PIEZO2: variants seen among roughly 807,000 people sequenced by gnomAD.
PIEZO2 encodes piezo type mechanosensitive ion channel component 2.
PIEZO2 carries 172 observed loss-of-function variants against 337.3 expected under a neutral mutation model. The observed-to-expected ratio is 0.51, with a 90% CI of 0.45 to 0.58. The LOEUF (loss-of-function observed/expected upper bound fraction) is 0.58. Ranked by LOEUF, PIEZO2 falls within the 20% of genes least tolerant of loss-of-function variation. The pLI is 0.00. For missense variants in PIEZO2, 3,028 were observed against 3,391.3 expected, an observed-to-expected ratio of 0.89 and a Z score of 2.66; for synonymous variants, 1,251 against 1,228.5, an observed-to-expected ratio of 1.02 and a Z score of -0.38.
At chr18:10,706,229 G>C (rs1049761182) in intron 40 of PIEZO2, among the ~76,000 whole-genome samples, 1 of 152,142 alleles carries the variant, frequency 6.6e-6, no homozygotes, top group Admixed American at 6.5e-5. Context: ...CATAAGGGGG[G>C]AATGGGAATG....
intron 3 of PIEZO2, among the ~76,000 whole-genome samples, chr18:10,937,443 A>G (rs1181201658): frequency 6.6e-6 from 1 of 152,114 alleles, no homozygotes; most frequent in Non-Finnish European, 1.5e-5. Flanking sequence ...GATGAGGTCC[A>G]TGTTCATCCT....
At chr18:10,744,950 T>C (rs1026513898) in intron 30 of PIEZO2, among the ~76,000 whole-genome samples, 2 of 152,240 alleles carry the variant, frequency 1.3e-5, no homozygotes, top group East Asian at 1.9e-4. Context: ...GGGCAGATGG[T>C]TCTCTGCAGA....
chr18:10,701,430 G>A (rs1406412534), intron 43 of PIEZO2, among the ~76,000 whole-genome samples: 1 of 152,184 alleles, frequency 6.6e-6, no homozygotes, highest in African/African-American at 2.4e-5. Context: ...TCCACAATAA[G>A]CAGGAGAAAG....
rs1407086458 is a variant in PIEZO2, at chr18:10,833,946, G to A, written c.917+21407C>T. On this transcript the variant is annotated intron_variant, in intron 7 of 55. Coordinates refer to ENST00000674853, the MANE Select transcript of PIEZO2 (RefSeq NM_001378183.1). The surrounding 1 kb of genome is among the most constrained non-coding windows in gnomAD (Gnocchi z 4.7). ...GACCTCAAAACTTTTCCATGCAGTA[G>A]AAGAGCAGAATAGGAGAGTGATTTA... 2.6e-5 allele frequency among the ~76,000 whole-genome samples: 4 copies of A among 152,214 alleles called. No individual in the cohort carries two copies. The highest frequency in any genetic ancestry group is 5.9e-5 in the Non-Finnish European group (4 of 68,040).
At chr18:10,801,498 A>C (rs1421793197) in intron 9 of PIEZO2, 70 bp from the exon 10 acceptor site, 1 of 1,371,078 alleles carries the variant, frequency 7.3e-7, no homozygotes, top group African/African-American at 1.4e-5. Context: ...ATGTATCTAT[A>C]AAGTTTTACT....
rs1409681723 is a variant in PIEZO2 at position 10,677,139 on chromosome 18, G to A, written c.8081+608C>T. On this transcript the variant is annotated intron_variant, in intron 53 of 55. Coordinates refer to ENST00000674853, the MANE Select transcript of PIEZO2 (RefSeq NM_001378183.1). This position sits in a 1 kb window ranked among gnomAD's most constrained non-coding sequence, Gnocchi z 4.1. ...AATGTCTGTCTCAATGGAAGCCCCA[G>A]CGGGCCAGCACTTTCCATGCACTGA... 6.6e-6 allele frequency among the ~76,000 whole-genome samples: 1 copy of A among 152,212 alleles called. No homozygotes were observed. The highest frequency in any genetic ancestry group is 1.5e-5 in the Non-Finnish European group (1 of 68,028).
Position 10,814,795 on chromosome 18 carries a change from C to T in PIEZO2, c.918-7521G>A, listed in dbSNP as rs2040312069. On this transcript the variant is annotated intron_variant, in intron 7 of 55. Transcript: ENST00000674853. Reference sequence around the variant, plus strand: ...CACCAGGAGCTAAGTGGATCAGTGGCCATGATGACTGGCCAATGAGACACA... The same window carrying T: ...CACCAGGAGCTAAGTGGATCAGTGGTCATGATGACTGGCCAATGAGACACA... Among the ~76,000 whole-genome samples, 4 of 152,142 alleles carry T rather than the reference C, an allele frequency of 2.6e-5. No homozygotes were observed. In the South Asian group the frequency reaches 8.3e-4, roughly 32 times the overall value.
At chr18:10,808,272 T>C (rs1269629946) in intron 7 of PIEZO2, among the ~76,000 whole-genome samples, 1 of 152,084 alleles carries the variant, frequency 6.6e-6, no homozygotes, top group African/African-American at 2.4e-5. Flanking sequence ...TTTAATTACT[T>C]GTAGAGACAA....
chr18:10,949,672 C>A (rs925126929), intron 3 of PIEZO2, among the ~76,000 whole-genome samples: 5 of 152,242 alleles, frequency 3.3e-5, no homozygotes, highest in Non-Finnish European at 7.3e-5. Context: ...TGCATTCATA[C>A]AAGGCCAGCT....
At chr18:11,135,038 CAA>C (rs5823137) in intron 1 of PIEZO2, among the ~76,000 whole-genome samples, 122 of 137,832 alleles carry the variant, frequency 8.9e-4, no homozygotes, top group East Asian at 1.3e-3. Context: ...ATTAAGTAAG[CAA>C]AAAAAAAAAA....
In PIEZO2 at chr18:10,789,326, T is replaced by C. The variant is rs1199920492; in HGVS notation, c.1922A>G (p.Lys641Arg). 1.3e-6 allele frequency: 2 copies of C among 1,537,244 alleles called. No homozygotes were observed. The highest frequency in any genetic ancestry group is 4.9e-5 in the East Asian group (2 of 40,914). ...LQDIQVEGEP[K>R]EEEEEEAKEE... ...CTTCGCTTCCTCTTCTTCCTCCTCT[T>C]TGGGCTCTCCTTCCACTTGTATATC... The change falls in exon 15 of 56, where the codon AAA (lysine) becomes AGA (arginine). Residue 641 changes from lysine (K) to arginine (R), a missense_variant. Coordinates refer to ENST00000674853, the MANE Select transcript of PIEZO2 (RefSeq NM_001378183.1).
chr18:10,711,981 AAATG>A (rs2035838069), intron 39 of PIEZO2, among the ~76,000 whole-genome samples: 1 of 99,294 alleles, frequency 1.0e-5, no homozygotes, highest in Admixed American at 1.0e-4. Context: ...ACACAAAAAT[AAATG>A]AACAAACAAA....
At position 10,870,215 on chromosome 18, in the gene PIEZO2, C is replaced by A. The variant is rs1338628506; in HGVS notation, c.492+1038G>T. On this transcript the variant is annotated intron_variant, in intron 5 of 55. Transcript: ENST00000674853. The surrounding 1 kb of genome is among the most constrained non-coding windows in gnomAD (Gnocchi z 5.3). Reference sequence around the variant, plus strand: ...CTAGTTTGCATAGGTTTATTGAATTCTATCCCTCCTTTATTGTTTTTTAAA... The same window carrying A: ...CTAGTTTGCATAGGTTTATTGAATTATATCCCTCCTTTATTGTTTTTTAAA... Among the ~76,000 whole-genome samples the A allele has an allele frequency of 6.6e-6, 1 of 152,178 alleles. No homozygotes were observed. Among genetic ancestry groups the A allele is most frequent in the African/African-American group, 2.4e-5 (1 of 41,458 alleles).
intron 3 of PIEZO2, among the ~76,000 whole-genome samples, chr18:10,950,078 A>G (rs987016651): frequency 2.0e-5 from 3 of 152,214 alleles, no homozygotes; most frequent in African/African-American, 7.2e-5. Context: ...AACTCGATTT[A>G]CATTTGGTAA....
rs898878582 is a variant in PIEZO2, at chr18:10,943,957, G to A, written c.287-32729C>T. On this transcript the variant is annotated intron_variant, in intron 3 of 55. Coordinates refer to ENST00000674853, the MANE Select transcript of PIEZO2 (RefSeq NM_001378183.1). The surrounding 1 kb of genome is among the most constrained non-coding windows in gnomAD (Gnocchi z 4.5). ...TCTCTCTTTGCCTGCTGCCATCCAC[G>A]TATGATGTGACTTCCTCCTACTTGC... Among the ~76,000 whole-genome samples the A allele has an allele frequency of 6.6e-6, 1 of 152,090 alleles. No individual in the cohort carries two copies. Among genetic ancestry groups the A allele is most frequent in the Non-Finnish European group, 1.5e-5 (1 of 68,022 alleles).
chr18:10,950,416 A>G (rs1168345168), intron 3 of PIEZO2, among the ~76,000 whole-genome samples: 1 of 152,224 alleles, frequency 6.6e-6, no homozygotes, highest in Non-Finnish European at 1.5e-5. Context: ...ACATGCTTGA[A>G]GGACAGAATG....
chr18:10,900,359 T>C (rs542926135), intron 4 of PIEZO2, among the ~76,000 whole-genome samples: 2 of 152,318 alleles, frequency 1.3e-5, no homozygotes, highest in South Asian at 4.1e-4. Flanking sequence ...AATGATTATA[T>C]AGTATCACAT....
intron 4 of PIEZO2, among the ~76,000 whole-genome samples, chr18:10,886,325 T>C (rs2870428): frequency 9.7e-5 from 2 of 20,544 alleles, no homozygotes; most frequent in Non-Finnish European, 1.4e-4. Flanking sequence ...TATACATACA[T>C]ATATATATAT....
At position 10,982,701 on chromosome 18, in the gene PIEZO2, A is replaced by G. The variant is rs773831011; in HGVS notation, c.161-3041T>C. On this transcript the variant is annotated intron_variant, in intron 2 of 55. Coordinates refer to ENST00000674853, the MANE Select transcript of PIEZO2 (RefSeq NM_001378183.1). The surrounding 1 kb of genome is among the most constrained non-coding windows in gnomAD (Gnocchi z 4.1). Reference sequence around the variant, plus strand: ...TTGGTGTATCATAGCAGATATTAAAATATGTTATAAAACCATATGTTTATT... The same window carrying G: ...TTGGTGTATCATAGCAGATATTAAAGTATGTTATAAAACCATATGTTTATT... Among the ~76,000 whole-genome samples the G allele has an allele frequency of 6.6e-6, 1 of 152,160 alleles. No individual in the cohort carries two copies. Among genetic ancestry groups the G allele is most frequent in the African/African-American group, 2.4e-5 (1 of 41,436 alleles).
Sources: gnomAD v4.1 joint callset for allele counts (sites outside exome capture counted in the v4.1 genomes callset) on GRCh38, gnomAD v4.1.1 for gene constraint, Gnocchi (gnomAD v3.1) non-coding constraint, MANE v1.5 for transcripts, NCBI Gene and HGNC (gene_info 2026-07-23, HGNC 2026-07-21) for gene names.